CDK5RAP2: variants seen among roughly 807,000 people sequenced by gnomAD.
CDK5RAP2 encodes the protein CDK5 regulatory subunit associated protein 2.
Under a neutral mutation model 232.9 loss-of-function variants are expected in CDK5RAP2, and 147 were observed. The observed-to-expected ratio is 0.63, with a 90% CI of 0.55 to 0.72. The LOEUF (loss-of-function observed/expected upper bound fraction) is 0.72. Among genes scored for constraint, CDK5RAP2 ranks in the 30% least tolerant of loss-of-function variants. The pLI is 0.00. For synonymous variants in CDK5RAP2, 833 were observed against 833.7 expected, an observed-to-expected ratio of 1.00 and a Z score of 0.01; for missense variants, 2,195 against 2,231.5, an observed-to-expected ratio of 0.98 and a Z score of 0.33.
At position 120,542,796 on chromosome 9, in the gene CDK5RAP2, A is replaced by G. The variant is rs541697788; in HGVS notation, c.383+2918T>C. ...CAGAACAATGATGGAATGTAAATGG[A>G]AAGTGTTTTATAAACTAAAAAGTGT... On this transcript the variant is annotated intron_variant, in intron 5 of 37. Transcript: ENST00000349780. Among the ~76,000 whole-genome samples the G allele has an allele frequency of 2.6e-5, 4 of 152,314 alleles. No individual in the cohort carries two copies. The East Asian group carries it at 7.7e-4, about 29-fold the overall frequency.
rs1440006759 is a variant in CDK5RAP2 at position 120,477,393 on chromosome 9, C to T, written c.1684G>A (p.Asp562Asn). 6.2e-7 allele frequency: 1 copy of T among 1,614,010 alleles called. No individual in the cohort carries two copies. Among genetic ancestry groups the T allele is most frequent in the Admixed American group, 1.7e-5 (1 of 60,032 alleles). Residue 562 changes from aspartate (D) to asparagine (N), a missense_variant, in exon 15 of 38, where the codon GAC (aspartate) becomes AAC (asparagine). Asp to Asn is a conservative substitution (Grantham distance 23, BLOSUM62 1). Coordinates refer to ENST00000349780, the MANE Select transcript of CDK5RAP2 (RefSeq NM_018249.6). Reference protein sequence around the residue: ...ELIQVLKKEQDIYTHLVKSLQ... With the variant: ...ELIQVLKKEQNIYTHLVKSLQ... Reference sequence around the variant, plus strand: ...GATTTGACCAGATGGGTATAGATGTCCTGCTCTTTCTTTAAGACCTGAATC... The same window carrying T: ...GATTTGACCAGATGGGTATAGATGTTCTGCTCTTTCTTTAAGACCTGAATC...
At chr9:120,413,553 G>A (rs571014119) in intron 28 of CDK5RAP2, among the ~76,000 whole-genome samples, 37 of 152,258 alleles carry the variant, frequency 2.4e-4, no homozygotes, top group Admixed American at 1.2e-3. Context: ...AAACCTTCCC[G>A]TCAGAGTGAA....
chr9:120,530,322 C>G (rs1047171978), intron 7 of CDK5RAP2, among the ~76,000 whole-genome samples, 182 bp from the exon 8 acceptor site: 1 of 152,082 alleles, frequency 6.6e-6, no homozygotes, highest in Non-Finnish European at 1.5e-5. Flanking sequence ...ATTAACTGGT[C>G]CCCTGCCTGC....
At chr9:120,571,793 C>T (rs1294655616) in intron 2 of CDK5RAP2, 181 bp downstream of exon 2, 2 of 655,300 alleles carry the variant, frequency 3.1e-6, no homozygotes, top group Non-Finnish European at 5.6e-6. Context: ...TTCCTCTAGT[C>T]CAGTGTTTAT....
At chr9:120,468,344 A>C (rs969630707) in intron 17 of CDK5RAP2, among the ~76,000 whole-genome samples, 3 of 152,212 alleles carry the variant, frequency 2.0e-5, no homozygotes, top group African/African-American at 7.2e-5. Context: ...GTGCTCAGTC[A>C]ATGACAGCTA....
intron 12 of CDK5RAP2, among the ~76,000 whole-genome samples, chr9:120,518,198 TGTGTGTGTGTGTGAGA>T (rs1322884303): frequency 6.5e-5 from 7 of 107,334 alleles, no homozygotes; most frequent in African/African-American, 2.5e-4. Context: ...TGTGTGTGTG[TGTGTGTGTGTGTGAGA>T]GAGAGAGAGA....
chr9:120,408,166 T>C (rs925652419), intron 31 of CDK5RAP2, 181 bp downstream of exon 31: 5 of 753,406 alleles, frequency 6.6e-6, no homozygotes, highest in South Asian at 5.9e-5. Context: ...AGTCCTTCTA[T>C]GTTTCCTGCT....
intron 14 of CDK5RAP2, among the ~76,000 whole-genome samples, chr9:120,485,596 G>A (rs896023906): frequency 2.0e-5 from 3 of 152,292 alleles, no homozygotes; most frequent in Middle Eastern, 3.4e-3. Flanking sequence ...TGACTAAAAT[G>A]TGATTCAAAA....
chr9:120,474,114 T>C (rs535224590), intron 15 of CDK5RAP2, among the ~76,000 whole-genome samples: 2 of 152,194 alleles, frequency 1.3e-5, no homozygotes, highest in South Asian at 4.1e-4. Context: ...TCACGCAAAA[T>C]GGGAATAATA....
intron 19 of CDK5RAP2, 55 bp from the exon 20 acceptor site, chr9:120,458,677 G>A: frequency 6.5e-7 from 1 of 1,530,514 alleles, no homozygotes; most frequent in Non-Finnish European, 9.1e-7. Context: ...GGAATGGGGT[G>A]TGTGGAGAGA....
At chr9:120,452,546 T>A (rs2036535426) in intron 21 of CDK5RAP2, among the ~76,000 whole-genome samples, 1 of 151,736 alleles carries the variant, frequency 6.6e-6, no homozygotes, top group Non-Finnish European at 1.5e-5. Context: ...CCTATTTCCT[T>A]CTCTCCCAGA....
At chr9:120,436,880 G>C (rs900132228) in intron 25 of CDK5RAP2, among the ~76,000 whole-genome samples, 9 of 152,022 alleles carry the variant, frequency 5.9e-5, no homozygotes, top group Non-Finnish European at 1.0e-4. Context: ...AATTTTGCTT[G>C]GTTGACTGGA....
intron 3 of CDK5RAP2, among the ~76,000 whole-genome samples, chr9:120,555,181 C>T (rs980088688): frequency 1.3e-5 from 2 of 151,910 alleles, no homozygotes; most frequent in Non-Finnish European, 1.5e-5. Flanking sequence ...CGCTTTATTG[C>T]CCAGGCTTGG....
intron 17 of CDK5RAP2, among the ~76,000 whole-genome samples, chr9:120,468,345 A>G (rs545386701): frequency 2.4e-4 from 36 of 152,314 alleles, no homozygotes; most frequent in African/African-American, 8.7e-4. Flanking sequence ...TGCTCAGTCA[A>G]TGACAGCTAA....
rs894739537 is a variant in CDK5RAP2, at chr9:120,471,627, T to A, written c.1858+121A>T. On this transcript the variant is annotated intron_variant, in intron 16 of 37. Transcript: ENST00000349780. ...ATCAGCATGGTCACCACAAAAAGGA[T>A]CTCCAAACGAAACCCCGTGTATGCT... 8.5e-5 allele frequency: 117 copies of A among 1,380,194 alleles called. No individual in the cohort carries two copies. The Admixed American group carries it at 2.0e-3, about 23-fold the overall frequency. The allele number at this position is 1,380,194 out of a possible 1,614,324, so 85.5% of individuals were successfully genotyped here.
In CDK5RAP2 at chr9:120,572,167, T is replaced by C. The variant is rs2147381; in HGVS notation, c.60-126A>G. ...GGGATGCACACAGCTGGGCTACCTA[T>C]GTGGCATGAAGCACAGAGGTTAAGA... On this transcript the variant is annotated intron_variant, in intron 1 of 37. Transcript: ENST00000349780. The C allele has an allele frequency of 0.14, 110,610 of 771,124 alleles. 8,970 individuals carry two copies. The highest frequency in any genetic ancestry group is 0.18 in the South Asian group (12,751 of 70,456). 47.8% of individuals were successfully genotyped at this position (771,124 alleles called of 1,614,324 possible).
chr9:120,568,549 A>C (rs891372974), intron 2 of CDK5RAP2, among the ~76,000 whole-genome samples, 161 bp from the exon 3 acceptor site: 9 of 152,164 alleles, frequency 5.9e-5, no homozygotes, highest in African/African-American at 2.2e-4. Flanking sequence ...GCTCCAGGGA[A>C]AGCTCTAAAC....
At chr9:120,477,210 G>A (rs1249240777) in intron 15 of CDK5RAP2, 140 bp downstream of exon 15, 1 of 736,546 alleles carries the variant, frequency 1.4e-6, no homozygotes, top group Admixed American at 1.9e-5. Flanking sequence ...CGCCACCCAA[G>A]CTTTATAAGC....
Position 120,402,896 on chromosome 9 carries a change from T to A in CDK5RAP2, c.5217A>T (p.Lys1739Asn). ...GLIEDYEALL[K>N]QISQGQRLLA... ...GGAGCCTCTGTCCCTGGCTGATCTG[T>A]TTGAGCAGGGCCTCATAGTCCTCAA... is the stretch of plus-strand genomic sequence containing the variant. Residue 1739 changes from lysine (K) to asparagine (N), a missense_variant, in exon 34 of 38, where the codon AAA (lysine) becomes AAT (asparagine). By Grantham distance (94) the Lys-to-Asn change is moderately conservative. Coordinates refer to ENST00000349780, the MANE Select transcript of CDK5RAP2 (RefSeq NM_018249.6). 1.2e-6 allele frequency: 2 copies of A among 1,614,054 alleles called. No homozygotes were observed. The highest frequency in any genetic ancestry group is 1.7e-6 in the Non-Finnish European group (2 of 1,180,010).
Sources: gnomAD v4.1 joint callset for allele counts (sites outside exome capture counted in the v4.1 genomes callset) on GRCh38, gnomAD v4.1.1 for gene constraint, MANE v1.5 for transcripts, NCBI Gene and HGNC (gene_info 2026-07-23, HGNC 2026-07-21) for gene names.